SRD5A2: variants seen among roughly 807,000 people sequenced by gnomAD.
The protein encoded by SRD5A2 is 3-oxo-5-alpha-steroid 4-dehydrogenase 2.
In SRD5A2, 30 loss-of-function variants were observed where a neutral mutation model predicts 27.4. The observed-to-expected ratio is 1.10, with a 90% CI of 0.82 to 1.49. The LOEUF is 1.49. Among genes scored for constraint, SRD5A2 ranks in the 40% most tolerant of loss-of-function variants. The pLI is 0.00. For missense variants in SRD5A2, 348 were observed against 323.4 expected (o/e 1.08, Z -0.58); for synonymous variants, 141 against 133.6 (o/e 1.06, Z -0.38).
At chr2:31,654,081 G>GT in the SRD5A2 span, among the ~76,000 whole-genome samples, 1 of 146,876 alleles carries the variant, frequency 6.8e-6, no homozygotes, top group Admixed American at 6.7e-5. Flanking sequence ...AGTAAAGAAA[G>GT]TTAAAAAAAA....
Position 31,525,824 on chromosome 2 carries a change from CA to C in SRD5A2, c.*371del. The C allele has an allele frequency of 4.0e-6, 1 of 252,344 alleles. No individual in the cohort carries two copies. The highest frequency in any genetic ancestry group is 2.2e-5 in the African/African-American group (1 of 46,006). The allele number at this position is 252,344 out of a possible 1,614,324, so 15.6% of individuals were successfully genotyped here. ...AGGTCTATAAGTACTGCCTTCAAGT[CA>C]AAAAATTCTTGATTACAGAGTTGTC... On this transcript the variant is annotated 3_prime_UTR_variant, in exon 5 of 5. Transcript: ENST00000622030.
At chr2:31,620,011 G>T in the SRD5A2 span, among the ~76,000 whole-genome samples, 1 of 152,030 alleles carries the variant, frequency 6.6e-6, no homozygotes, top group South Asian at 2.1e-4. Context: ...TGAAATCTTT[G>T]TCAGTGCCTA....
Position 31,567,885 on chromosome 2 carries a change from C to T in SRD5A2, c.281+12735G>A, listed in dbSNP as rs76913283. On this transcript the variant is annotated intron_variant, in intron 1 of 4. Transcript: ENST00000622030. ...CCTGGCAGGCTGCACTTGGCTCATG[C>T]TACAGGCCTGGATCCCACACCTGCC... Among the ~76,000 whole-genome samples, 17 of 152,188 alleles carry T rather than the reference C, an allele frequency of 1.1e-4. No individual in the cohort carries two copies. The East Asian group carries it at 3.3e-3, about 30-fold the overall frequency.
the SRD5A2 span, among the ~76,000 whole-genome samples, chr2:31,648,604 C>G: frequency 6.6e-6 from 1 of 152,114 alleles, no homozygotes; most frequent in African/African-American, 2.4e-5. Flanking sequence ...AGTCCGTGGA[C>G]CAACAGTTAG....
At chr2:31,601,653 A>C in the SRD5A2 span, among the ~76,000 whole-genome samples, 3 of 152,082 alleles carry the variant, frequency 2.0e-5, no homozygotes, top group Non-Finnish European at 4.4e-5. Context: ...ACTGATGCAA[A>C]ACTCCTCAAT....
the SRD5A2 span, among the ~76,000 whole-genome samples, chr2:31,594,335 C>T: frequency 1.1e-4 from 16 of 152,036 alleles, no homozygotes; most frequent in African/African-American, 3.6e-4. Context: ...CTCACATAAA[C>T]TTAAAGTAAA....
the SRD5A2 span, among the ~76,000 whole-genome samples, chr2:31,590,912 T>G: frequency 6.6e-6 from 1 of 152,342 alleles, no homozygotes; most frequent in East Asian, 1.9e-4. Context: ...GATCCCTTCC[T>G]TACACTTTAT....
chr2:31,562,626 T>C (rs942768165), intron 1 of SRD5A2, among the ~76,000 whole-genome samples: 2 of 152,128 alleles, frequency 1.3e-5, no homozygotes, highest in Non-Finnish European at 2.9e-5. Flanking sequence ...TACATTTAAA[T>C]ATTGTCCTGA....
At chr2:31,578,531 G>A (rs557077093) in intron 1 of SRD5A2, among the ~76,000 whole-genome samples, 1 of 152,322 alleles carries the variant, frequency 6.6e-6, no homozygotes, top group East Asian at 1.9e-4. Context: ...TTGGCACACA[G>A]AGTGTAACAC....
In SRD5A2 at chr2:31,524,499, G is replaced by A. The variant is rs1665729371; in HGVS notation, c.*1697C>T. 4.3e-6 allele frequency: 1 copy of A among 230,324 alleles called. No homozygotes were observed. The highest frequency in any genetic ancestry group is 5.7e-5 in the Admixed American group (1 of 17,662). The allele number at this position is 230,324 out of a possible 1,614,324, so 14.3% of individuals were successfully genotyped here. A position where few individuals can be genotyped will look rare whatever the true frequency, so the allele number is the denominator to read the frequency against. On this transcript the variant is annotated 3_prime_UTR_variant, in exon 5 of 5. Coordinates refer to ENST00000622030, the MANE Select transcript of SRD5A2 (RefSeq NM_000348.4). ...ACAGGGTGAATGGGAATGAGGGACAGGCGGGACAGGGAAGCACACCCCAAT... is the reference window on the plus strand; with the variant it reads ...ACAGGGTGAATGGGAATGAGGGACAAGCGGGACAGGGAAGCACACCCCAAT...
upstream of SRD5A2, among the ~76,000 whole-genome samples, chr2:31,584,370 T>C (rs1433486562): frequency 1.3e-5 from 2 of 152,186 alleles, no homozygotes; most frequent in East Asian, 3.8e-4. Context: ...GGAAGTCAAT[T>C]AAATCCAGAC....
the SRD5A2 span, among the ~76,000 whole-genome samples, chr2:31,634,364 T>C: frequency 6.6e-6 from 1 of 152,044 alleles, no homozygotes; most frequent in Non-Finnish European, 1.5e-5. Flanking sequence ...CATCTAAAGC[T>C]GTGGAATAAT....
chr2:31,597,382 TA>T, the SRD5A2 span, among the ~76,000 whole-genome samples: 1,701 of 146,526 alleles, frequency 0.012, 23 homozygotes, highest in African/African-American at 0.04. Flanking sequence ...GAAGATAAAA[TA>T]AAAAAAAAAC....
At chr2:31,604,258 A>G in the SRD5A2 span, among the ~76,000 whole-genome samples, 3 of 151,812 alleles carry the variant, frequency 2.0e-5, no homozygotes, top group Admixed American at 1.3e-4. Flanking sequence ...GTTCTTCAAC[A>G]TAGTAATGGA....
the SRD5A2 span, among the ~76,000 whole-genome samples, chr2:31,596,849 A>G: frequency 4.6e-5 from 7 of 152,370 alleles, no homozygotes; most frequent in South Asian, 1.0e-3. Flanking sequence ...CATAGGTGAC[A>G]CAAATGAATG....
the SRD5A2 span, among the ~76,000 whole-genome samples, chr2:31,602,752 C>T: frequency 6.6e-6 from 1 of 151,790 alleles, no homozygotes; most frequent in East Asian, 1.9e-4. Context: ...GAAATAAGAC[C>T]TCACACCTAC....
the SRD5A2 span, among the ~76,000 whole-genome samples, chr2:31,603,039 T>C: frequency 6.6e-6 from 1 of 151,906 alleles, no homozygotes; most frequent in Admixed American, 6.6e-5. Flanking sequence ...TCAAAACTAA[T>C]TGCAACAAAA....
chr2:31,568,063 A>G (rs1257173855), intron 1 of SRD5A2, among the ~76,000 whole-genome samples: 1 of 152,120 alleles, frequency 6.6e-6, no homozygotes, highest in Non-Finnish European at 1.5e-5. Flanking sequence ...CTATGGTTGG[A>G]CCAGATGTAC....
At chr2:31,624,392 C>A in the SRD5A2 span, among the ~76,000 whole-genome samples, 2 of 151,664 alleles carry the variant, frequency 1.3e-5, no homozygotes, top group Non-Finnish European at 2.9e-5. Flanking sequence ...ACTTTAAGTT[C>A]TAGGGTACAT....
Sources: gnomAD v4.1 joint callset for allele counts (sites outside exome capture counted in the v4.1 genomes callset) on GRCh38, gnomAD v4.1.1 for gene constraint, MANE v1.5 for transcripts, NCBI Gene and HGNC (gene_info 2026-07-23, HGNC 2026-07-21) for gene names.